Variants in ANKH observed in about 807,000 individuals in gnomAD.
ANKH encodes mineralization regulator ANKH.
In ANKH, 15 loss-of-function variants were observed where a neutral mutation model predicts 49.0. The ratio of observed to expected loss-of-function variants is 0.31; its 90% CI spans 0.20 to 0.47. The LOEUF (loss-of-function observed/expected upper bound fraction) is 0.47. Ranked by LOEUF, ANKH falls within the 20% of genes least tolerant of loss-of-function variation. The probability of loss-of-function intolerance (pLI) is 1.00; values close to 1 mark genes in which losing one functional copy is unlikely to be tolerated. For missense variants in ANKH, 429 were observed against 652.0 expected (o/e 0.66, Z 3.72); for synonymous variants, 273 against 260.0 (o/e 1.05, Z -0.48).
Position 14,708,324 on chromosome 5 carries a change from C to G in ANKH, c.*2873G>C, listed in dbSNP as rs186287507. ...CTTGTATTTTTAGATTGTATTCATC[C>G]ACAAGCAATCACTCAGTTTTGGAGA... On this transcript the variant is annotated 3_prime_UTR_variant, in exon 12 of 12. Coordinates refer to ENST00000284268, the MANE Select transcript of ANKH (RefSeq NM_054027.6). 3 of 152,304 alleles carry G rather than the reference C, an allele frequency of 2.0e-5. No homozygotes were observed. Among genetic ancestry groups the G allele is most frequent in the African/African-American group, 7.2e-5 (3 of 41,558 alleles). 9.4% of individuals were successfully genotyped at this position (152,304 alleles called of 1,614,324 possible).
chr5:14,748,453 C>T (rs553197090), intron 6 of ANKH, among the ~76,000 whole-genome samples: 1 of 152,342 alleles, frequency 6.6e-6, no homozygotes, highest in East Asian at 1.9e-4. Context: ...TCCTTGGGAC[C>T]AGCAGTTCCA....
chr5:14,801,392 GCTAATGC>G (rs2126560875), intron 1 of ANKH, among the ~76,000 whole-genome samples: 1 of 152,260 alleles, frequency 6.6e-6, no homozygotes, highest in African/African-American at 2.4e-5. Context: ...AAATGGACAA[GCTAATGC>G]TATGTTACTG....
At chr5:14,721,929 CAAAAAAA>C (rs35821509) in intron 8 of ANKH, among the ~76,000 whole-genome samples, 1 of 59,456 alleles carries the variant, frequency 1.7e-5, no homozygotes, top group African/African-American at 9.5e-5. Flanking sequence ...GACTCCGTCT[CAAAAAAA>C]AAAAAAAAAA....
At chr5:14,789,910 A>G (rs1420186365) in intron 1 of ANKH, among the ~76,000 whole-genome samples, 2 of 152,124 alleles carry the variant, frequency 1.3e-5, no homozygotes, top group Non-Finnish European at 1.5e-5. Flanking sequence ...GGGTTTCACC[A>G]TGTTGTCCAG....
chr5:14,787,430 T>C (rs1159788803), intron 1 of ANKH, among the ~76,000 whole-genome samples: 1 of 152,026 alleles, frequency 6.6e-6, no homozygotes, highest in Non-Finnish European at 1.5e-5. Context: ...CCCTAAAAAA[T>C]GTGTGAGTAT....
intron 1 of ANKH, among the ~76,000 whole-genome samples, chr5:14,810,331 G>T (rs777676094): frequency 2.6e-5 from 4 of 151,852 alleles, no homozygotes; most frequent in Non-Finnish European, 2.9e-5. Flanking sequence ...TAATTTTTCT[G>T]TATTTTTAGT....
chr5:14,859,895 A>G (rs1735426188), intron 1 of ANKH, among the ~76,000 whole-genome samples: 1 of 152,252 alleles, frequency 6.6e-6, no homozygotes, highest in Non-Finnish European at 1.5e-5. Flanking sequence ...ACTTACTGCC[A>G]TCCACCACTT....
chr5:14,848,325 A>C (rs1182983135), intron 1 of ANKH, among the ~76,000 whole-genome samples: 7 of 152,188 alleles, frequency 4.6e-5, no homozygotes, highest in Admixed American at 1.3e-4. Context: ...AGGTAAAGAA[A>C]TTGTCAATCA....
intron 1 of ANKH, among the ~76,000 whole-genome samples, chr5:14,860,537 T>C (rs1192080236): frequency 2.6e-5 from 4 of 152,148 alleles, no homozygotes; most frequent in Admixed American, 6.6e-5. Flanking sequence ...TTATTTACTA[T>C]TTTATATTCT....
In ANKH at chr5:14,725,874, T is replaced by G. The variant is rs1737807450; in HGVS notation, c.1012-9039A>C. 6.6e-6 allele frequency among the ~76,000 whole-genome samples: 1 copy of G among 152,212 alleles called. No individual in the cohort carries two copies. Among genetic ancestry groups the G allele is most frequent in the Admixed American group, 6.5e-5 (1 of 15,284 alleles). The stretch of plus-strand genomic sequence containing the variant: ...GATTCTCCCGCCTCAGCCTCCTGAG[T>G]AGCTGGGACTACAGGTACGTGCCAC... On this transcript the variant is annotated intron_variant, in intron 8 of 11. Transcript: ENST00000284268. The surrounding 1 kb of genome is among the most constrained non-coding windows in gnomAD (Gnocchi z 4.0).
intron 8 of ANKH, among the ~76,000 whole-genome samples, chr5:14,741,076 G>C (rs1043051325): frequency 2.0e-5 from 3 of 152,174 alleles, no homozygotes; most frequent in Non-Finnish European, 4.4e-5. Context: ...ACGGAAGGCT[G>C]TTTATAAACG....
chr5:14,840,786 C>T (rs941703395), intron 1 of ANKH, among the ~76,000 whole-genome samples: 1 of 152,206 alleles, frequency 6.6e-6, no homozygotes, highest in African/African-American at 2.4e-5. Context: ...ATGCCCTTCA[C>T]AGTCAGTAGG....
chr5:14,830,510 AGTGTGTGT>A (rs35379260), intron 1 of ANKH, among the ~76,000 whole-genome samples: 5 of 147,390 alleles, frequency 3.4e-5, no homozygotes, highest in Admixed American at 6.8e-5. Flanking sequence ...AGGTAGGGGG[AGTGTGTGT>A]GTGTGTGTGT....
intron 8 of ANKH, among the ~76,000 whole-genome samples, chr5:14,721,661 G>A (rs569937945): frequency 1.3e-5 from 2 of 152,276 alleles, no homozygotes; most frequent in South Asian, 4.1e-4. Flanking sequence ...GCTGGGCGTG[G>A]TGGCTCATGC....
At chr5:14,731,276 A>T (rs1250574011) in intron 8 of ANKH, among the ~76,000 whole-genome samples, 2 of 152,176 alleles carry the variant, frequency 1.3e-5, no homozygotes. Context: ...CACAAGTGTC[A>T]TGTCTATGGC....
At chr5:14,735,119 G>A (rs184699945) in intron 8 of ANKH, among the ~76,000 whole-genome samples, 13 of 152,208 alleles carry the variant, frequency 8.5e-5, no homozygotes, top group Non-Finnish European at 1.9e-4. Context: ...CAGTAGCTAC[G>A]GTGTCAATAT....
intron 1 of ANKH, chr5:14,798,115 A>G: frequency 6.4e-7 from 1 of 1,556,924 alleles, no homozygotes; most frequent in Admixed American, 1.7e-5. Context: ...TCGTAGTGTG[A>G]TGCATCAAAC....
At chr5:14,732,448 C>A (rs776351318) in intron 8 of ANKH, among the ~76,000 whole-genome samples, 1 of 152,120 alleles carries the variant, frequency 6.6e-6, no homozygotes, top group Non-Finnish European at 1.5e-5. Flanking sequence ...AAAACCCACA[C>A]AAATTTGAAG....
intron 1 of ANKH, among the ~76,000 whole-genome samples, chr5:14,793,174 ACT>A (rs1234178601): frequency 6.7e-6 from 1 of 149,184 alleles, no homozygotes; most frequent in Non-Finnish European, 1.5e-5. Context: ...AGAGGTGGAC[ACT>A]CTTACCAAAG....
Sources: allele counts gnomAD v4.1 joint callset (sites outside exome capture counted in the v4.1 genomes callset), GRCh38; gene constraint gnomAD v4.1.1; non-coding constraint Gnocchi (gnomAD v3.1); transcripts MANE v1.5; gene names NCBI Gene and HGNC (gene_info 2026-07-23, HGNC 2026-07-21).